WBP1L: variants seen among roughly 807,000 people sequenced by gnomAD.
WBP1L encodes WW domain binding protein 1-like.
In WBP1L, 17 loss-of-function variants were observed where a neutral mutation model predicts 33.7. The ratio of observed to expected loss-of-function variants is 0.50; its 90% CI spans 0.34 to 0.76. WBP1L has a LOEUF of 0.76. Among genes scored for constraint, WBP1L ranks in the 30% least tolerant of loss-of-function variants. WBP1L has a pLI of 0.01. For missense variants in WBP1L, 389 were observed against 469.4 expected (o/e 0.83, Z 1.58); for synonymous variants, 173 against 190.8 (o/e 0.91, Z 0.77).
intron 1 of WBP1L, among the ~76,000 whole-genome samples, chr10:102,783,407 G>A (rs1843364963): frequency 6.6e-6 from 1 of 152,196 alleles, no homozygotes; most frequent in African/African-American, 2.4e-5. Flanking sequence ...ATGGTTACTT[G>A]ACTCAGCGGT....
chr10:102,808,990 G>A (rs910095430), intron 2 of WBP1L, among the ~76,000 whole-genome samples: 1 of 152,228 alleles, frequency 6.6e-6, no homozygotes, highest in South Asian at 2.1e-4. Flanking sequence ...ACCCATCAGT[G>A]GTGCTGGAGA....
chr10:102,763,060 T>G (rs918072722), intron 1 of WBP1L, among the ~76,000 whole-genome samples: 1 of 151,816 alleles, frequency 6.6e-6, no homozygotes, highest in African/African-American at 2.4e-5. Context: ...AAAAATTAGC[T>G]GGGTGGTGTG....
intron 1 of WBP1L, among the ~76,000 whole-genome samples, chr10:102,760,322 T>G (rs943699127): frequency 6.6e-6 from 1 of 151,886 alleles, no homozygotes; most frequent in African/African-American, 2.4e-5. Flanking sequence ...CTTGTGACCC[T>G]GGGCCACTTA....
chr10:102,787,642 G>C (rs186154977), intron 1 of WBP1L, among the ~76,000 whole-genome samples: 1 of 152,140 alleles, frequency 6.6e-6, no homozygotes, highest in East Asian at 1.9e-4. Context: ...GAAGCAATAG[G>C]CCAGGACTCC....
intron 1 of WBP1L, among the ~76,000 whole-genome samples, chr10:102,772,309 G>A (rs562600305): frequency 7.7e-6 from 1 of 130,196 alleles, no homozygotes; most frequent in Non-Finnish European, 1.5e-5. Flanking sequence ...CGCCCAGGCT[G>A]GAGTGCAGTG....
At chr10:102,774,870 T>G (rs1462176893) in intron 1 of WBP1L, among the ~76,000 whole-genome samples, 1 of 152,082 alleles carries the variant, frequency 6.6e-6, no homozygotes, top group East Asian at 1.9e-4. Flanking sequence ...TCCCAGCACT[T>G]TAGGAGGCTA....
At chr10:102,759,017 G>A (rs1324997354) in intron 1 of WBP1L, among the ~76,000 whole-genome samples, 1 of 152,234 alleles carries the variant, frequency 6.6e-6, no homozygotes, top group African/African-American at 2.4e-5. Context: ...AAGTGGACAA[G>A]GAGCGTGACC....
At chr10:102,763,516 A>G (rs2134033395) in intron 1 of WBP1L, among the ~76,000 whole-genome samples, 1 of 152,170 alleles carries the variant, frequency 6.6e-6, no homozygotes, top group East Asian at 1.9e-4. Context: ...GCCCAGAGTA[A>G]TGAGACTAGG....
rs1564769994 is a variant in WBP1L, at chr10:102,807,695, AG to A, written c.194-2197del. On this transcript the variant is annotated intron_variant, in intron 2 of 3. Transcript: ENST00000448841. Reference sequence around the variant, plus strand: ...GCCATACGTACTTTTTTTAAGCAAAAGTTAGGATCATATTTTATTTTGTCAT... The same window carrying A: ...GCCATACGTACTTTTTTTAAGCAAAATTAGGATCATATTTTATTTTGTCAT... 2.0e-5 allele frequency among the ~76,000 whole-genome samples: 3 copies of A among 152,110 alleles called. No individual in the cohort carries two copies. In the South Asian group the frequency reaches 6.2e-4, roughly 32 times the overall value.
At chr10:102,807,423 G>T (rs1391590874) in intron 2 of WBP1L, among the ~76,000 whole-genome samples, 1 of 152,026 alleles carries the variant, frequency 6.6e-6, no homozygotes, top group East Asian at 1.9e-4. Flanking sequence ...CGGTTGCCAG[G>T]CTGGAGTGCA....
intron 1 of WBP1L, among the ~76,000 whole-genome samples, chr10:102,795,921 C>T (rs112412965): frequency 0.011 from 1,680 of 152,266 alleles, 25 homozygotes; most frequent in African/African-American, 0.038. Flanking sequence ...GAGAAGTTGA[C>T]TAGATAGCCA....
chr10:102,767,960 C>T (rs1843133632), intron 1 of WBP1L, among the ~76,000 whole-genome samples: 1 of 152,152 alleles, frequency 6.6e-6, no homozygotes, highest in South Asian at 2.1e-4. Context: ...GGACGTATGC[C>T]CCATGCGTCC....
At chr10:102,794,034 G>A (rs1299039599) in intron 1 of WBP1L, among the ~76,000 whole-genome samples, 1 of 152,170 alleles carries the variant, frequency 6.6e-6, no homozygotes, top group East Asian at 1.9e-4. Context: ...GCCTCCCAAA[G>A]TGCTGAAATT....
At chr10:102,810,803 G>A (rs1843827522) in intron 3 of WBP1L, among the ~76,000 whole-genome samples, 1 of 151,658 alleles carries the variant, frequency 6.6e-6, no homozygotes, top group Non-Finnish European at 1.5e-5. Flanking sequence ...CTGACCTCAA[G>A]TGATCTGCTC....
chr10:102,771,207 T>C (rs1843182518), intron 1 of WBP1L, among the ~76,000 whole-genome samples: 1 of 152,232 alleles, frequency 6.6e-6, no homozygotes, highest in Non-Finnish European at 1.5e-5. Flanking sequence ...ACAAATTTTC[T>C]ACAGTAAAAG....
In WBP1L at chr10:102,784,987, C is replaced by T. The variant is rs558722003; in HGVS notation, c.91-13006C>T. ...CGCCTCCAGGTTCAAGTGATTCTTC[C>T]GCCTCAGCATCCCAGGTAGCTGGGA... On this transcript the variant is annotated intron_variant, in intron 1 of 3. Transcript: ENST00000448841. 9.9e-5 allele frequency among the ~76,000 whole-genome samples: 15 copies of T among 151,806 alleles called. No individual in the cohort carries two copies. In the South Asian group the frequency reaches 3.1e-3, roughly 32 times the overall value.
At chr10:102,790,559 G>T (rs1325970134) in intron 1 of WBP1L, among the ~76,000 whole-genome samples, 1 of 152,034 alleles carries the variant, frequency 6.6e-6, no homozygotes, top group Non-Finnish European at 1.5e-5. Context: ...CGCCCAGGCT[G>T]GAGTACAATG....
At chr10:102,798,192 T>C (rs1240004126) in intron 2 of WBP1L, 97 bp downstream of exon 2, 34 of 1,030,056 alleles carry the variant, frequency 3.3e-5, no homozygotes, top group East Asian at 4.8e-5. Flanking sequence ...TCGGATTCTC[T>C]TGGGGACAGT....
intron 1 of WBP1L, among the ~76,000 whole-genome samples, chr10:102,780,914 C>G (rs1456013665): frequency 6.6e-6 from 1 of 152,178 alleles, no homozygotes; most frequent in Admixed American, 6.5e-5. Context: ...GGAATATTGC[C>G]TTTCTCAGTG....
Sources: gnomAD v4.1 joint callset for allele counts (sites outside exome capture counted in the v4.1 genomes callset) on GRCh38, gnomAD v4.1.1 for gene constraint, MANE v1.5 for transcripts, NCBI Gene and HGNC (gene_info 2026-07-23, HGNC 2026-07-21) for gene names.